The following ING5 variants were observed in gnomAD, a reference collection of about 807,000 sequenced individuals.
ING5 encodes inhibitor of growth family member 5.
A neutral mutation model predicts 37.4 loss-of-function variants in ING5; 17 were observed. The ratio of observed to expected loss-of-function variants is 0.45; its 90% CI spans 0.31 to 0.68. ING5 has a LOEUF of 0.68. Ranked by LOEUF, ING5 falls within the 30% of genes least tolerant of loss-of-function variation. The pLI, the probability that ING5 is intolerant of heterozygous loss-of-function variation, is 0.05. For synonymous variants in ING5, 123 were observed against 116.6 expected, an observed-to-expected ratio of 1.06 and a Z score of -0.36; for missense variants, 233 against 311.9, an observed-to-expected ratio of 0.75 and a Z score of 1.91.
upstream of ING5, among the ~76,000 whole-genome samples, chr2:241,700,404 G>T (rs1163399982): frequency 1.3e-5 from 2 of 151,846 alleles, no homozygotes; most frequent in South Asian, 4.2e-4. Context: ...TGATCCTCCC[G>T]CCTTGGCCTC....
At chr2:241,695,770 A>G (rs937529140) in intron 2 of ING5, among the ~76,000 whole-genome samples, 5 of 152,224 alleles carry the variant, frequency 3.3e-5, no homozygotes, top group African/African-American at 7.2e-5. Flanking sequence ...TTGCAGTTCT[A>G]TGTATAGCCA....
chr2:241,689,585 C>T (rs926914487), intron 1 of ING5, among the ~76,000 whole-genome samples: 3 of 152,184 alleles, frequency 2.0e-5, no homozygotes, highest in African/African-American at 7.2e-5. Flanking sequence ...GCTGGTTTTT[C>T]ACCCCAGATC....
intron 5 of ING5, chr2:241,719,851 C>T: frequency 7.1e-7 from 1 of 1,403,822 alleles, no homozygotes; most frequent in Non-Finnish European, 9.2e-7. Context: ...GAGCTCAGCG[C>T]TGCCTGCCGT....
chr2:241,720,825 G>A (rs2070412415), intron 5 of ING5: 1 of 985,658 alleles, frequency 1.0e-6, no homozygotes, highest in South Asian at 4.7e-5. Flanking sequence ...ATGGCCTCCT[G>A]GTTGCCTCCC....
At chr2:241,719,596 A>C (rs1316365140) in intron 5 of ING5, 1 of 1,536,010 alleles carries the variant, frequency 6.5e-7, no homozygotes, top group Non-Finnish European at 8.7e-7. Context: ...TTCCTCACCC[A>C]GTGCTGTTTC....
At chr2:241,698,599 A>G (rs1370109365), upstream of ING5, among the ~76,000 whole-genome samples, 1 of 151,990 alleles carries the variant, frequency 6.6e-6, no homozygotes, top group Non-Finnish European at 1.5e-5. Flanking sequence ...AAACTGATGG[A>G]AAAATAGTCT....
At chr2:241,690,652 A>G in exon 2 of ING5, 1 of 398,628 alleles carries the variant, frequency 2.5e-6, no homozygotes, top group Non-Finnish European at 4.4e-6. Flanking sequence ...GAGGCCTGAT[A>G]GGTGAGTACA....
rs34312835 is a variant in ING5, at chr2:241,689,119, A to AT, written c.-773-709dup. Among the ~76,000 whole-genome samples the AT allele has an allele frequency of 7.5e-5, 11 of 146,606 alleles. No homozygotes were observed. In the East Asian group the frequency reaches 8.3e-4, roughly 11 times the overall value. On this transcript the variant is annotated intron_variant, in intron 1 of 7. Transcript: ENST00000636051. The stretch of plus-strand genomic sequence containing the variant: ...CCCGGCCAATTTATTTTTTAATTTA[A>AT]TTTTTTTTTTGAGACGGAGTTTCTG...
At chr2:241,705,050 T>C (rs777095826) in intron 2 of ING5, among the ~76,000 whole-genome samples, 1 of 152,196 alleles carries the variant, frequency 6.6e-6, no homozygotes, top group Non-Finnish European at 1.5e-5. Flanking sequence ...AGTTTGGTAG[T>C]ACTTTTTGGC....
chr2:241,712,220 G>C (rs2070133102), intron 5 of ING5, 149 bp downstream of exon 5: 5 of 663,188 alleles, frequency 7.5e-6, no homozygotes, highest in Non-Finnish European at 5.1e-6. Flanking sequence ...CCTGTCGTCA[G>C]CCTGTCCTCA....
exon 2 of ING5, chr2:241,689,915 G>T (rs774263643): frequency 2.8e-5 from 4 of 141,240 alleles, no homozygotes; most frequent in Non-Finnish European, 6.3e-5. Flanking sequence ...CCACCTTCCA[G>T]AGGATGAAGG....
chr2:241,725,067 ATC>A lies in ING5; in HGVS notation c.*38_*39del. Reference sequence around the variant, plus strand: ...GTGCCCGGATCCGAGGAGCAAGTTAATCTGTCCCTTCATTCGTGTCGCAATAT... The same window carrying A: ...GTGCCCGGATCCGAGGAGCAAGTTAATGTCCCTTCATTCGTGTCGCAATAT... On this transcript the variant is annotated 3_prime_UTR_variant, in exon 8 of 8. Transcript: ENST00000313552. 1 of 1,605,174 alleles carries A rather than the reference ATC, an allele frequency of 6.2e-7. No individual in the cohort carries two copies. The highest frequency in any genetic ancestry group is 8.5e-7 in the Non-Finnish European group (1 of 1,171,838).
exon 1 of ING5, chr2:241,687,628 A>C (rs934965648): frequency 2.0e-5 from 6 of 296,954 alleles, no homozygotes; most frequent in Admixed American, 1.0e-4. Context: ...CCCGGGTTCA[A>C]GCGATTCTCC....
intron 5 of ING5, chr2:241,719,372 A>C: frequency 3.0e-6 from 2 of 662,110 alleles, no homozygotes; most frequent in Non-Finnish European, 2.7e-6. Context: ...CAACCCCCCA[A>C]CACCCCCCAC....
At chr2:241,700,861 A>C (rs2069706301), upstream of ING5, among the ~76,000 whole-genome samples, 1 of 149,364 alleles carries the variant, frequency 6.7e-6, no homozygotes, top group African/African-American at 2.5e-5. Flanking sequence ...CCTGCCCTCA[A>C]GTGATCCGCC....
At chr2:241,713,619 C>T (rs1050191769) in intron 5 of ING5, among the ~76,000 whole-genome samples, 11 of 151,608 alleles carry the variant, frequency 7.3e-5, no homozygotes, top group Non-Finnish European at 1.5e-5. Context: ...GATCCACCTG[C>T]CTTGGCCTCC....
At chr2:241,698,496 A>AGT (rs199798593), upstream of ING5, among the ~76,000 whole-genome samples, 3,837 of 147,470 alleles carry the variant, frequency 0.026, 59 homozygotes, top group East Asian at 0.082. Flanking sequence ...ATAATAGAGG[A>AGT]GTGTGTGTGT....
rs975052828 is a variant in ING5, at chr2:241,711,624, G to A, written c.388+136G>A. 14 of 695,962 alleles carry A rather than the reference G, an allele frequency of 2.0e-5. No individual in the cohort carries two copies. In the Middle Eastern group the frequency reaches 1.2e-3, roughly 61 times the overall value. The allele number at this position is 695,962 out of a possible 1,614,324, so 43.1% of individuals were successfully genotyped here. The stretch of plus-strand genomic sequence containing the variant: ...TGGGTAAACCTTGTCTTGCAGGCTG[G>A]GTGTGGTGGCTTACGCCTGTAACCC... On this transcript the variant is annotated intron_variant, in intron 4 of 7. Transcript: ENST00000313552.
Position 241,709,427 on chromosome 2 carries a change from C to T in ING5, c.276+45C>T, listed in dbSNP as rs760525246. ...CATGGCTCTTCCTCTGACCTCTACTCCTGCCTCTCATGCAACAAAATGTAA... is the reference window on the plus strand; with the variant it reads ...CATGGCTCTTCCTCTGACCTCTACTTCTGCCTCTCATGCAACAAAATGTAA... On this transcript the variant is annotated intron_variant, in intron 3 of 7. Coordinates refer to ENST00000313552, the MANE Select transcript of ING5 (RefSeq NM_032329.6). The T allele has an allele frequency of 3.9e-6, 6 of 1,539,870 alleles. No homozygotes were observed. The African/African-American group carries it at 6.9e-5, about 18-fold the overall frequency.
Sources: gnomAD v4.1 joint callset for allele counts (sites outside exome capture counted in the v4.1 genomes callset) on GRCh38, gnomAD v4.1.1 for gene constraint, MANE v1.5 for transcripts, NCBI Gene and HGNC (gene_info 2026-07-23, HGNC 2026-07-21) for gene names.